Variants in USP39 observed in about 807,000 individuals in gnomAD.
USP39 encodes the protein ubiquitin carboxyl-terminal hydrolase 39.
USP39 carries 38 observed loss-of-function variants against 66.4 expected under a neutral mutation model. The observed-to-expected ratio is 0.57, with a 90% CI of 0.44 to 0.75. The LOEUF is 0.75. Ranked by LOEUF, USP39 falls within the 30% of genes least tolerant of loss-of-function variation. The probability of loss-of-function intolerance (pLI) is 0.00; values close to 1 mark genes in which losing one functional copy is unlikely to be tolerated. For synonymous variants in USP39, 303 were observed against 274.6 expected (o/e 1.10, Z -1.02); for missense variants, 608 against 714.4 (o/e 0.85, Z 1.70).
upstream of USP39, chr2:85,612,015 C>T: frequency 7.0e-7 from 1 of 1,436,330 alleles, no homozygotes; most frequent in Non-Finnish European, 9.2e-7. Context: ...TCGCCGCCGC[C>T]TCGACGGCCC....
chr2:85,616,486 A>G (rs751184231), intron 1 of USP39, 23 bp downstream of exon 1: 1 of 1,255,856 alleles, frequency 8.0e-7, no homozygotes, highest in Non-Finnish European at 1.0e-6. Context: ...GGGCCGGGCT[A>G]GGCGCGAGAG....
At chr2:85,618,569 A>C (rs1251223245) in intron 1 of USP39, among the ~76,000 whole-genome samples, 2 of 151,630 alleles carry the variant, frequency 1.3e-5, no homozygotes, top group Non-Finnish European at 2.9e-5. Flanking sequence ...CTCAAAAAAA[A>C]AAAAACAAAA....
intron 1 of USP39, chr2:85,606,883 G>A (rs1431865455): frequency 6.6e-6 from 1 of 151,746 alleles, no homozygotes; most frequent in Non-Finnish European, 1.5e-5. Flanking sequence ...CCAGGTTTAG[G>A]TGATTCTCTT....
At chr2:85,633,343 G>A (rs975971775) in intron 6 of USP39, among the ~76,000 whole-genome samples, 7 of 151,984 alleles carry the variant, frequency 4.6e-5, no homozygotes, top group African/African-American at 1.5e-4. Flanking sequence ...GGCTGGTATC[G>A]AACTCCTCAC....
intron 10 of USP39, 131 bp downstream of exon 10, chr2:85,641,249 A>G (rs971261991): frequency 9.2e-7 from 1 of 1,091,118 alleles, no homozygotes; most frequent in Non-Finnish European, 1.3e-6. Context: ...TACAGTAGAT[A>G]AGAGTTTTTA....
chr2:85,636,973 C>T (rs1048234973), intron 7 of USP39, among the ~76,000 whole-genome samples: 9 of 152,310 alleles, frequency 5.9e-5, no homozygotes, highest in African/African-American at 1.9e-4. Flanking sequence ...TCATTGTCCT[C>T]TTGTCTTCAT....
chr2:85,646,394 T>C (rs987714631), intron 11 of USP39, among the ~76,000 whole-genome samples: 3 of 152,242 alleles, frequency 2.0e-5, no homozygotes, highest in African/African-American at 7.2e-5. Context: ...TGTACATTAA[T>C]CTCATTTCTT....
At chr2:85,622,536 G>A (rs1360287801) in intron 3 of USP39, among the ~76,000 whole-genome samples, 1 of 151,876 alleles carries the variant, frequency 6.6e-6, no homozygotes, top group African/African-American at 2.4e-5. Context: ...ATAGATGTGA[G>A]CCATTGCACC....
At chr2:85,604,266 AT>A (rs1469414395) in intron 1 of USP39, among the ~76,000 whole-genome samples, 3 of 152,088 alleles carry the variant, frequency 2.0e-5, no homozygotes, top group African/African-American at 7.2e-5. Flanking sequence ...CTGGAATGCA[AT>A]GGTGCAATCT....
intron 9 of USP39, 115 bp downstream of exon 9, chr2:85,639,506 G>C: frequency 9.0e-7 from 1 of 1,110,920 alleles, no homozygotes; most frequent in Non-Finnish European, 1.2e-6. Flanking sequence ...CCAGGCTGGA[G>C]TGCAGTGGCG....
chr2:85,619,105 A>G (rs894808743), intron 1 of USP39, 115 bp from the exon 2 acceptor site: 15 of 1,222,540 alleles, frequency 1.2e-5, no homozygotes, highest in African/African-American at 9.2e-5. Context: ...TGCCACCCAA[A>G]CAATAGGAAC....
chr2:85,640,235 A>G (rs1676119948), intron 9 of USP39, among the ~76,000 whole-genome samples: 1 of 151,882 alleles, frequency 6.6e-6, no homozygotes, highest in Non-Finnish European at 1.5e-5. Flanking sequence ...CTGGGGTAGT[A>G]TAGAGAAAGG....
At chr2:85,629,095 C>T (rs1675108975) in intron 5 of USP39, among the ~76,000 whole-genome samples, 1 of 151,320 alleles carries the variant, frequency 6.6e-6, no homozygotes, top group Non-Finnish European at 1.5e-5. Context: ...TGGAATTTTG[C>T]TCTTTTTGCC....
intron 2 of USP39, chr2:85,621,130 C>G (rs925204954): frequency 1.2e-5 from 2 of 168,698 alleles, no homozygotes; most frequent in Non-Finnish European, 2.6e-5. Context: ...ATTTATTCAC[C>G]CTTTTTATGT....
At chr2:85,631,631 A>C (rs1453139228) in intron 6 of USP39, among the ~76,000 whole-genome samples, 1 of 152,230 alleles carries the variant, frequency 6.6e-6, no homozygotes, top group African/African-American at 2.4e-5. Context: ...TGTATGGCTT[A>C]GGGAAATACC....
At position 85,623,854 on chromosome 2, in the gene USP39, C is replaced by A. The variant is rs1451900543; in HGVS notation, c.570+72C>A. ...ATCCCAGGGCTCCCAGGGGACTGCCCCACCTGAGGACAGGGAAGAATCTCA... is the reference window on the plus strand; with the variant it reads ...ATCCCAGGGCTCCCAGGGGACTGCCACACCTGAGGACAGGGAAGAATCTCA... On this transcript the variant is annotated intron_variant, in intron 4 of 12. Transcript: ENST00000323701. The A allele has an allele frequency of 8.8e-6, 13 of 1,484,794 alleles. 1 individual carries two copies. Among genetic ancestry groups the A allele is most frequent in the Middle Eastern group, 3.9e-4 (2 of 5,116 alleles). The allele number at this position is 1,484,794 out of a possible 1,614,324, so 92.0% of individuals were successfully genotyped here.
upstream of USP39, chr2:85,611,655 C>A (rs771022217): frequency 1.9e-6 from 3 of 1,557,698 alleles, no homozygotes; most frequent in East Asian, 2.4e-5. Context: ...GCAGGCGGGG[C>A]GGGCGGCCTC....
intron 11 of USP39, 194 bp downstream of exon 11, chr2:85,645,277 CTTT>C (rs61391085): frequency 0.019 from 6,772 of 363,144 alleles, no homozygotes; most frequent in Middle Eastern, 0.032. Flanking sequence ...ACCTTGGGAG[CTTT>C]TTTTTTTTTT....
At chr2:85,619,013 C>T (rs576493524) in intron 1 of USP39, among the ~76,000 whole-genome samples, 6 of 152,268 alleles carry the variant, frequency 3.9e-5, no homozygotes, top group African/African-American at 1.4e-4. Context: ...TCAGGTGATC[C>T]ACCCATCTCG....
Sources: allele counts gnomAD v4.1 joint callset (sites outside exome capture counted in the v4.1 genomes callset), GRCh38; gene constraint gnomAD v4.1.1; transcripts MANE v1.5; gene names NCBI Gene and HGNC (gene_info 2026-07-23, HGNC 2026-07-21).